DEFB108B: variants seen among roughly 807,000 people sequenced by gnomAD.
DEFB108B encodes defensin beta 108B.
In DEFB108B, 3 loss-of-function variants were observed where a neutral mutation model predicts 2.4. That is an observed-to-expected ratio of 1.25 (90% CI 0.57 to 3.24). The LOEUF is 3.24. DEFB108B is among the 30% of genes most tolerant of loss of function. DEFB108B has a pLI of 0.03. For synonymous variants in DEFB108B, 25 were observed against 28.7 expected (o/e 0.87, Z 0.41); for missense variants, 101 against 87.8 (o/e 1.15, Z -0.60).
At chr11:71,834,213 T>A (rs1280250756) in intron 1 of DEFB108B, among the ~76,000 whole-genome samples, 1 of 152,176 alleles carries the variant, frequency 6.6e-6, no homozygotes, top group Non-Finnish European at 1.5e-5. Context: ...TTTGTGTGAC[T>A]TCCTAAAGCC....
chr11:71,833,649 A>G (rs1952195094), intron 1 of DEFB108B, among the ~76,000 whole-genome samples: 1 of 152,248 alleles, frequency 6.6e-6, no homozygotes, highest in Non-Finnish European at 1.5e-5. Flanking sequence ...AGGCTCAGAC[A>G]GAAGGGATTG....
intron 1 of DEFB108B, among the ~76,000 whole-genome samples, chr11:71,835,192 C>T (rs1327623967): frequency 9.9e-5 from 15 of 152,252 alleles, no homozygotes; most frequent in Admixed American, 2.6e-4. Context: ...AACTCTGTCA[C>T]GCAGGTAGGG....
rs772590345 is a variant in DEFB108B, at chr11:71,837,369, A to G, written c.59-30A>G. 4 of 1,610,186 alleles carry G rather than the reference A, an allele frequency of 2.5e-6. No individual in the cohort carries two copies. In the South Asian group the frequency reaches 3.3e-5, roughly 13 times the overall value. On this transcript the variant is annotated intron_variant, in intron 1 of 1. Transcript: ENST00000328698. ...ACACAAAGTAAAGAAAGACTGGTGA[A>G]TGGTTACAATAACCCTCTTCTTCAT...
chr11:71,836,257 A>G (rs1037888242), intron 1 of DEFB108B, among the ~76,000 whole-genome samples: 1 of 152,242 alleles, frequency 6.6e-6, no homozygotes, highest in Non-Finnish European at 1.5e-5. Context: ...AATTTGCATT[A>G]TAGATATAAA....
intron 1 of DEFB108B, chr11:71,836,944 T>TTGTGTGTG (rs753040143): frequency 0.011 from 1,274 of 115,768 alleles, 16 homozygotes; most frequent in East Asian, 0.081. Flanking sequence ...GAGTGTGTGT[T>TTGTGTGTG]TGTGTGTGTG....
chr11:71,837,486 G>A lies in DEFB108B; in HGVS notation c.146G>A (p.Cys49Tyr), dbSNP rs767445344. 1.9e-6 allele frequency: 3 copies of A among 1,612,010 alleles called. No individual in the cohort carries two copies. Among genetic ancestry groups the A allele is most frequent in the South Asian group, 2.2e-5 (2 of 90,986 alleles). The change falls in exon 2 of 2, where the codon TGT becomes TAT. Residue 49 changes from cysteine to tyrosine, a missense_variant. Coordinates refer to ENST00000328698, the MANE Select transcript of DEFB108B (RefSeq NM_001002035.2). ...CLETEIHVGR[C>Y]LNSQPCCLPL... Reference sequence around the variant, plus strand: ...GAAACAGAAATCCATGTTGGGAGATGTTTAAATAGCCAACCCTGCTGCCTG... The same window carrying A: ...GAAACAGAAATCCATGTTGGGAGATATTTAAATAGCCAACCCTGCTGCCTG...
At chr11:71,835,617 G>A (rs1952211405) in intron 1 of DEFB108B, among the ~76,000 whole-genome samples, 1 of 151,962 alleles carries the variant, frequency 6.6e-6, no homozygotes, top group African/African-American at 2.4e-5. Flanking sequence ...GAGATTACTG[G>A]GTCAAATGGT....
rs543423591 is a variant in DEFB108B at position 71,833,481 on chromosome 11, T to G, written c.58+224T>G. Among the ~76,000 whole-genome samples the G allele has an allele frequency of 5.3e-5, 8 of 152,296 alleles. No homozygotes were observed. The South Asian group carries it at 1.7e-3, about 32-fold the overall frequency. On this transcript the variant is annotated intron_variant, in intron 1 of 1. Transcript: ENST00000328698. The stretch of plus-strand genomic sequence containing the variant: ...AAGTCTTTGAAACCCTCTTATTCCA[T>G]CTCCAAATTAGGCAAGTTTACTAGC...
At chr11:71,835,545 C>T (rs975454188) in intron 1 of DEFB108B, among the ~76,000 whole-genome samples, 16 of 152,126 alleles carry the variant, frequency 1.1e-4, no homozygotes, top group African/African-American at 3.9e-4. Flanking sequence ...CTGTGATGAA[C>T]ATACAAATTT....
In DEFB108B at chr11:71,833,274, G is replaced by T; in HGVS notation, c.58+17G>T. The T allele has an allele frequency of 6.5e-7, 1 of 1,541,876 alleles. No homozygotes were observed. The highest frequency in any genetic ancestry group is 8.9e-7 in the Non-Finnish European group (1 of 1,123,096). On this transcript the variant is annotated intron_variant, in intron 1 of 1. Transcript: ENST00000328698. ...TTCTACCAGGTAACAAAATAAACTT[G>T]GTAAGAGTAGAGTGCCTAACACCTT... is the stretch of plus-strand genomic sequence containing the variant.
At chr11:71,835,053 T>A (rs980569204) in intron 1 of DEFB108B, among the ~76,000 whole-genome samples, 4 of 152,068 alleles carry the variant, frequency 2.6e-5, no homozygotes, top group Non-Finnish European at 5.9e-5. Context: ...TGGTACATCA[T>A]AATTTTAAAA....
intron 1 of DEFB108B, chr11:71,834,643 T>C (rs1952203524): frequency 6.6e-6 from 1 of 152,182 alleles, no homozygotes; most frequent in Admixed American, 6.5e-5. Flanking sequence ...TGGCACCTCC[T>C]CTGGATGTCC....
At chr11:71,837,156 C>G (rs1167638062) in intron 1 of DEFB108B, 4 of 520,938 alleles carry the variant, frequency 7.7e-6, no homozygotes, top group South Asian at 7.0e-5. Flanking sequence ...GGCTACTCAC[C>G]TCCAGCCTTT....
At chr11:71,837,301 C>G in intron 1 of DEFB108B, 98 bp from the exon 2 acceptor site, 2 of 1,431,966 alleles carry the variant, frequency 1.4e-6, no homozygotes, top group African/African-American at 2.8e-5. Flanking sequence ...CAAATCCACA[C>G]AAGATTATTT....
rs556173193 is a variant in DEFB108B, at chr11:71,835,952, G to A, written c.59-1447G>A. On this transcript the variant is annotated intron_variant, in intron 1 of 1. Transcript: ENST00000328698. ...AAACACCACCCGTAGTAGAATGCAA[G>A]AAGTACTACCACAGAGGGATGTTCA... 3.9e-4 allele frequency among the ~76,000 whole-genome samples: 60 copies of A among 152,296 alleles called. 1 individual carries two copies. The highest frequency in any genetic ancestry group is 1.4e-3 in the African/African-American group (59 of 41,530).
At chr11:71,833,491 A>G (rs896850580) in intron 1 of DEFB108B, among the ~76,000 whole-genome samples, 2 of 152,204 alleles carry the variant, frequency 1.3e-5, no homozygotes, top group African/African-American at 4.8e-5. Context: ...TCTCCAAATT[A>G]GGCAAGTTTA....
intron 1 of DEFB108B, among the ~76,000 whole-genome samples, chr11:71,835,205 T>C (rs1381408639): frequency 6.6e-6 from 1 of 152,206 alleles, no homozygotes; most frequent in Non-Finnish European, 1.5e-5. Flanking sequence ...AGGTAGGGTG[T>C]ACCTAAAGGG....
Position 71,837,419 on chromosome 11 carries a change from A to G in DEFB108B, c.79A>G (p.Ile27Val), listed in dbSNP as rs12285436. Residue 27 changes from isoleucine (I) to valine (V), a missense_variant, in exon 2 of 2, where the codon ATC becomes GTC. Transcript: ENST00000328698. ...TGTAGCCAGGGGCAAATTCAAGGAG[A>G]TCTGTGAACGTCCAAATGGCTCCTG... is the stretch of plus-strand genomic sequence containing the variant. ...VLPARGKFKE[I>V]CERPNGSCRD... 0.58 allele frequency: 929,834 copies of G among 1,607,216 alleles called. 275,558 individuals carry two copies. The highest frequency in any genetic ancestry group is 0.61 in the Non-Finnish European group (712,473 of 1,175,950).
chr11:71,836,366 G>A (rs1436319905), intron 1 of DEFB108B, among the ~76,000 whole-genome samples: 1 of 152,086 alleles, frequency 6.6e-6, no homozygotes, highest in Non-Finnish European at 1.5e-5. Flanking sequence ...TTTCAGTTCA[G>A]TTAAATAGGC....
Sources: allele counts gnomAD v4.1 joint callset (sites outside exome capture counted in the v4.1 genomes callset), GRCh38; gene constraint gnomAD v4.1.1; transcripts MANE v1.5; gene names NCBI Gene and HGNC (gene_info 2026-07-23, HGNC 2026-07-21).